IL1RAPL2: variants seen among roughly 807,000 people sequenced by gnomAD.
IL1RAPL2 encodes the protein interleukin 1 receptor accessory protein like 2.
IL1RAPL2 carries 3 observed loss-of-function variants against 44.1 expected under a neutral mutation model. That is an observed-to-expected ratio of 0.07 (90% CI 0.03 to 0.18). IL1RAPL2 has a LOEUF of 0.18. Ranked by LOEUF, IL1RAPL2 falls within the 10% of genes least tolerant of loss-of-function variation. IL1RAPL2 has a pLI of 1.00. For synonymous variants in IL1RAPL2, 181 were observed against 178.8 expected, an observed-to-expected ratio of 1.01 and a Z score of -0.10; for missense variants, 391 against 496.4, an observed-to-expected ratio of 0.79 and a Z score of 2.02.
At chrX:105,161,994 C>A (rs965213684) in intron 2 of IL1RAPL2, among the ~76,000 whole-genome samples, 7 of 111,860 alleles carry the variant, frequency 6.3e-5, no homozygotes, top group African/African-American at 2.3e-4. Flanking sequence ...AATACATTTT[C>A]TTAGCCCAGG....
At chrX:105,001,757 G>A (rs924324115) in intron 2 of IL1RAPL2, among the ~76,000 whole-genome samples, 1 of 111,296 alleles carries the variant, frequency 9.0e-6, no homozygotes, top group Non-Finnish European at 1.9e-5. Flanking sequence ...TGTGACTATA[G>A]TTCTAACCAT....
At chrX:105,352,046 C>T (rs971412867) in intron 5 of IL1RAPL2, among the ~76,000 whole-genome samples, 3 of 111,246 alleles carry the variant, frequency 2.7e-5, no homozygotes, top group African/African-American at 9.8e-5. Context: ...CCTCAGCCTC[C>T]CAAGTCACTT....
intron 2 of IL1RAPL2, among the ~76,000 whole-genome samples, chrX:104,959,733 G>A (rs1048760664): frequency 1.4e-4 from 15 of 110,893 alleles, no homozygotes; most frequent in South Asian, 3.8e-4. Context: ...TCTACCTTAA[G>A]ATTTCATTCA....
chrX:104,908,978 C>T (rs768267525), intron 2 of IL1RAPL2, among the ~76,000 whole-genome samples: 9 of 110,723 alleles, frequency 8.1e-5, no homozygotes, highest in Non-Finnish European at 1.3e-4. Flanking sequence ...CTTTCAGGTA[C>T]ACCAATCAGA....
At chrX:104,893,670 T>C (rs890155358) in intron 2 of IL1RAPL2, among the ~76,000 whole-genome samples, 3 of 111,466 alleles carry the variant, frequency 2.7e-5, no homozygotes, top group Non-Finnish European at 5.6e-5. Context: ...TTATGTTGAG[T>C]CTATGTGTGT....
intron 2 of IL1RAPL2, among the ~76,000 whole-genome samples, chrX:104,913,092 C>A (rs1470023535): frequency 9.0e-6 from 1 of 111,717 alleles, no homozygotes; most frequent in African/African-American, 3.2e-5. Flanking sequence ...ACAAACAACA[C>A]AGAGACTATG....
At chrX:105,276,027 T>A (rs1009993876) in intron 5 of IL1RAPL2, among the ~76,000 whole-genome samples, 1 of 112,141 alleles carries the variant, frequency 8.9e-6, no homozygotes, top group African/African-American at 3.3e-5. Context: ...TTGTTTTGTC[T>A]TTTGGAATAA....
intron 1 of IL1RAPL2, among the ~76,000 whole-genome samples, chrX:104,635,250 A>T (rs1929766974): frequency 9.0e-6 from 1 of 111,336 alleles, no homozygotes; most frequent in African/African-American, 3.3e-5. Context: ...GGGCAACCCG[A>T]CCTTTCTCTC....
At chrX:104,593,008 G>C (rs992572730) in intron 1 of IL1RAPL2, among the ~76,000 whole-genome samples, 5 of 111,599 alleles carry the variant, frequency 4.5e-5, no homozygotes, top group Non-Finnish European at 7.5e-5. Context: ...AGTAATTTTA[G>C]ATGGGGTCTC....
chrX:104,827,511 C>G (rs1224433615), intron 2 of IL1RAPL2, among the ~76,000 whole-genome samples: 7 of 111,697 alleles, frequency 6.3e-5, no homozygotes, highest in Admixed American at 2.9e-4. Flanking sequence ...GTCTGATGGC[C>G]TTCCCTTTGT....
At chrX:105,279,287 G>T (rs1234324866) in intron 5 of IL1RAPL2, among the ~76,000 whole-genome samples, 1 of 111,029 alleles carries the variant, frequency 9.0e-6, no homozygotes, top group East Asian at 2.8e-4. Flanking sequence ...TGTGGAAATT[G>T]AAATTTGGGG....
chrX:105,383,092 A>G (rs1235865284), intron 5 of IL1RAPL2, among the ~76,000 whole-genome samples: 1 of 110,099 alleles, frequency 9.1e-6, no homozygotes, highest in African/African-American at 3.3e-5. Context: ...CACGTTGTGC[A>G]CATGTACCCT....
chrX:104,668,683 T>C (rs903794276), intron 2 of IL1RAPL2, among the ~76,000 whole-genome samples: 3 of 42,835 alleles, frequency 7.0e-5, no homozygotes, highest in Non-Finnish European at 1.7e-4. Flanking sequence ...GAATTAATGA[T>C]TTTTTTTTTT....
At chrX:105,692,445 A>G (rs981385927) in intron 6 of IL1RAPL2, among the ~76,000 whole-genome samples, 10 of 111,741 alleles carry the variant, frequency 8.9e-5, no homozygotes, top group African/African-American at 2.9e-4. Flanking sequence ...TACAAAATGC[A>G]GAAGCTAAAT....
At chrX:105,184,995 G>A (rs1047109293) in intron 2 of IL1RAPL2, among the ~76,000 whole-genome samples, 3 of 111,832 alleles carry the variant, frequency 2.7e-5, no homozygotes, top group African/African-American at 9.8e-5. Flanking sequence ...AGTACTTTCA[G>A]GTGTGTGATC....
chrX:105,054,773 TG>T (rs1194114045), intron 2 of IL1RAPL2, among the ~76,000 whole-genome samples: 2 of 112,225 alleles, frequency 1.8e-5, no homozygotes. Flanking sequence ...TAGATAACCC[TG>T]CTCCTAACCT....
intron 3 of IL1RAPL2, chrX:105,219,840 G>A (rs1368119659): frequency 1.9e-6 from 2 of 1,075,919 alleles, no homozygotes; most frequent in African/African-American, 3.7e-5. Context: ...GCTACCAGGT[G>A]GGAAGGGCGG....
chrX:105,297,748 A>T (rs2034664763), intron 5 of IL1RAPL2, among the ~76,000 whole-genome samples: 1 of 110,789 alleles, frequency 9.0e-6, no homozygotes, highest in Non-Finnish European at 1.9e-5. Context: ...TCCAAATGAG[A>T]TTTGGGTAGG....
intron 2 of IL1RAPL2, among the ~76,000 whole-genome samples, chrX:104,744,433 T>C (rs1932140744): frequency 9.0e-6 from 1 of 111,679 alleles, no homozygotes. Flanking sequence ...CAAAACATAG[T>C]AGGTTAATTC....
Sources: allele counts gnomAD v4.1 joint callset (sites outside exome capture counted in the v4.1 genomes callset), GRCh38; gene constraint gnomAD v4.1.1; transcripts MANE v1.5; gene names NCBI Gene and HGNC (gene_info 2026-07-23, HGNC 2026-07-21).